BMP3: variants seen among roughly 807,000 people sequenced by gnomAD.
BMP3 encodes the protein bone morphogenetic protein 3.
Under a neutral mutation model 38.1 loss-of-function variants are expected in BMP3, and 23 were observed. That is an observed-to-expected ratio of 0.60 (90% CI 0.43 to 0.86). The LOEUF is 0.86. BMP3 is among the 40% of genes least tolerant of loss of function. The pLI is 0.00. For synonymous variants in BMP3, 258 were observed against 225.7 expected (o/e 1.14, Z -1.28); for missense variants, 628 against 579.6 (o/e 1.08, Z -0.86).
chr4:81,039,096 T>A (rs910358718), intron 1 of BMP3, among the ~76,000 whole-genome samples: 1 of 152,320 alleles, frequency 6.6e-6, no homozygotes, highest in South Asian at 2.1e-4. Flanking sequence ...TTCTTCCTTT[T>A]GCCTGTGCCT....
chr4:81,052,370 C>A (rs942759432), intron 2 of BMP3, among the ~76,000 whole-genome samples: 15 of 152,262 alleles, frequency 9.9e-5, no homozygotes, highest in Admixed American at 4.6e-4. Flanking sequence ...TCTGGCAATA[C>A]CTAACATTCT....
chr4:81,042,934 A>C (rs1317764955), intron 1 of BMP3, among the ~76,000 whole-genome samples: 1 of 152,178 alleles, frequency 6.6e-6, no homozygotes, highest in Non-Finnish European at 1.5e-5. Context: ...TTTGTTATAA[A>C]GGTCTGTAAA....
chr4:81,044,772 G>T (rs563366025), intron 1 of BMP3, among the ~76,000 whole-genome samples: 1 of 152,082 alleles, frequency 6.6e-6, no homozygotes, highest in Admixed American at 6.5e-5. Context: ...TTTTTTCAAG[G>T]TTCATCCACA....
In BMP3 at chr4:81,054,556, C is replaced by T. The variant is rs550946681; in HGVS notation, c.*1020C>T. 6.6e-6 allele frequency: 1 copy of T among 152,226 alleles called. No homozygotes were observed. Among genetic ancestry groups the T allele is most frequent in the South Asian group, 2.1e-4 (1 of 4,826 alleles). 9.4% of individuals were successfully genotyped at this position (152,226 alleles called of 1,614,324 possible). On this transcript the variant is annotated 3_prime_UTR_variant, in exon 3 of 3. Transcript: ENST00000282701. The stretch of plus-strand genomic sequence containing the variant: ...AATATTGAAGATCTTCTTAAATGAC[C>T]AATTTAACCATAACCAAATATTGAA...
rs1578291511 is a variant in BMP3 at position 81,031,078 on chromosome 4, G to T, written c.-207G>T. 1.7e-6 allele frequency: 1 copy of T among 572,756 alleles called. No homozygotes were observed. The highest frequency in any genetic ancestry group is 3.2e-5 in the East Asian group (1 of 31,468). The allele number at this position is 572,756 out of a possible 1,614,324, so 35.5% of individuals were successfully genotyped here. ...CGGGTGAGGTCCGCGCAGCTGCTGG[G>T]GAAGAGCCCACCTGTCAGGCTGCGC... On this transcript the variant is annotated 5_prime_UTR_variant, in exon 1 of 3. Transcript: ENST00000282701.
chr4:81,036,638 G>A (rs1739932081), intron 1 of BMP3, among the ~76,000 whole-genome samples: 1 of 151,842 alleles, frequency 6.6e-6, no homozygotes, highest in African/African-American at 2.4e-5. Flanking sequence ...ATTATGTTAT[G>A]AATCCATGAA....
chr4:81,051,422 T>A (rs1300229147), intron 2 of BMP3, among the ~76,000 whole-genome samples: 5 of 152,162 alleles, frequency 3.3e-5, no homozygotes, highest in Admixed American at 2.6e-4. Context: ...CAAGGTCTCA[T>A]CTAATTAAGT....
In BMP3 at chr4:81,055,496, T is replaced by A. The variant is rs1273028416; in HGVS notation, c.*1960T>A. Reference sequence around the variant, plus strand: ...AAGTGAGATGGAGGATAAAATTACTTTTTAATACATGTTCTCAAACATTTG... The same window carrying A: ...AAGTGAGATGGAGGATAAAATTACTATTTAATACATGTTCTCAAACATTTG... On this transcript the variant is annotated 3_prime_UTR_variant, in exon 3 of 3. Transcript: ENST00000282701. The A allele has an allele frequency of 6.6e-6, 1 of 152,194 alleles. No homozygotes were observed. The highest frequency in any genetic ancestry group is 1.5e-5 in the Non-Finnish European group (1 of 68,030). 9.4% of individuals were successfully genotyped at this position (152,194 alleles called of 1,614,324 possible). A position where few individuals can be genotyped will look rare whatever the true frequency, so the allele number is the denominator to read the frequency against.
intron 1 of BMP3, among the ~76,000 whole-genome samples, chr4:81,039,015 A>G (rs1420065186): frequency 2.0e-5 from 3 of 150,758 alleles, no homozygotes; most frequent in Admixed American, 6.6e-5. Flanking sequence ...TTGAGGTCCC[A>G]TAAAGCACAG....
rs1046894829 is a variant in BMP3, at chr4:81,041,574, T to A, written c.317-4164T>A. On this transcript the variant is annotated intron_variant, in intron 1 of 2. Transcript: ENST00000282701. ...GTTGGGCATAACATAATGCCTTTGGTTAGCCTTCAGATTGGCCATTCCTTG... is the reference window on the plus strand; with the variant it reads ...GTTGGGCATAACATAATGCCTTTGGATAGCCTTCAGATTGGCCATTCCTTG... Among the ~76,000 whole-genome samples the A allele has an allele frequency of 5.3e-5, 8 of 152,326 alleles. No individual in the cohort carries two copies. In the South Asian group the frequency reaches 1.2e-3, roughly 24 times the overall value.
Position 81,045,914 on chromosome 4 carries a change from C to T in BMP3, c.493C>T (p.Leu165Phe). The change falls in exon 2 of 3, where the codon CTT becomes TTT. Residue 165 changes from leucine to phenylalanine, a missense_variant. Physicochemically the swap from Leu to Phe is conservative, Grantham distance 22. Transcript: ENST00000282701. ...HAQRKHIQIDLSAWTLKFSRN... is the reference protein window; with the variant it reads ...HAQRKHIQIDFSAWTLKFSRN... The stretch of plus-strand genomic sequence containing the variant: ...TCAGAGGAAACACATTCAGATTGAT[C>T]TTTCTGCATGGACCCTCAAATTCAG... 2.5e-6 allele frequency: 4 copies of T among 1,614,066 alleles called. No homozygotes were observed. Among genetic ancestry groups the T allele is most frequent in the Non-Finnish European group, 3.4e-6 (4 of 1,180,000 alleles).
intron 1 of BMP3, among the ~76,000 whole-genome samples, chr4:81,036,749 C>A (rs1334035268): frequency 6.6e-6 from 1 of 151,842 alleles, no homozygotes; most frequent in African/African-American, 2.4e-5. Context: ...TGAAATGTAA[C>A]CCAAAAAGCT....
chr4:81,034,216 T>C (rs1338017848), intron 1 of BMP3, among the ~76,000 whole-genome samples: 1 of 147,718 alleles, frequency 6.8e-6, no homozygotes, highest in Non-Finnish European at 1.5e-5. Flanking sequence ...GTAGTTGGTG[T>C]GCCAAAACCG....
intron 1 of BMP3, among the ~76,000 whole-genome samples, chr4:81,040,474 A>C (rs1388661332): frequency 6.6e-6 from 1 of 152,148 alleles, no homozygotes; most frequent in African/African-American, 2.4e-5. Flanking sequence ...ATTGGCTTGG[A>C]TTTGGCCTCC....
intron 1 of BMP3, among the ~76,000 whole-genome samples, chr4:81,032,723 A>G (rs1739813350): frequency 6.6e-6 from 1 of 152,242 alleles, no homozygotes. Flanking sequence ...AAAAAGGGAA[A>G]ACTAAGGCAT....
In BMP3 at chr4:81,056,425, C is replaced by T. The variant is rs1384637177; in HGVS notation, c.*2889C>T. ...GATCTCGGCCCACTGCAACCTCCAC[C>T]TCCCAGGTTCAAGCAGTTCTCCTGC... On this transcript the variant is annotated 3_prime_UTR_variant, in exon 3 of 3. Coordinates refer to ENST00000282701, the MANE Select transcript of BMP3 (RefSeq NM_001201.5). The T allele has an allele frequency of 1.3e-5, 2 of 152,160 alleles. No individual in the cohort carries two copies. The highest frequency in any genetic ancestry group is 2.9e-5 in the Non-Finnish European group (2 of 68,006). The allele number at this position is 152,160 out of a possible 1,614,324, so 9.4% of individuals were successfully genotyped here. A position where few individuals can be genotyped will look rare whatever the true frequency, so the allele number is the denominator to read the frequency against.
chr4:81,038,204 C>T (rs1295462604), intron 1 of BMP3, among the ~76,000 whole-genome samples: 1 of 152,076 alleles, frequency 6.6e-6, no homozygotes, highest in Non-Finnish European at 1.5e-5. Flanking sequence ...AGGTATATTA[C>T]TGCCTTTATG....
At position 81,056,406 on chromosome 4, in the gene BMP3, G is replaced by A. The variant is rs886964281; in HGVS notation, c.*2870G>A. ...GGCTGGAGTGCAGTGGCGTGATCTCGGCCCACTGCAACCTCCACCTCCCAG... is the reference window on the plus strand; with the variant it reads ...GGCTGGAGTGCAGTGGCGTGATCTCAGCCCACTGCAACCTCCACCTCCCAG... On this transcript the variant is annotated 3_prime_UTR_variant, in exon 3 of 3. Coordinates refer to ENST00000282701, the MANE Select transcript of BMP3 (RefSeq NM_001201.5). 1 of 151,026 alleles carries A rather than the reference G, an allele frequency of 6.6e-6. No individual in the cohort carries two copies. The highest frequency in any genetic ancestry group is 1.5e-5 in the Non-Finnish European group (1 of 67,774). The allele number at this position is 151,026 out of a possible 1,614,324, so 9.4% of individuals were successfully genotyped here.
rs147182183 is a variant in BMP3, at chr4:81,046,625, G to C, written c.1204G>C (p.Ala402Pro). 1.8e-5 allele frequency: 29 copies of C among 1,612,602 alleles called. No individual in the cohort carries two copies. The highest frequency in any genetic ancestry group is 3.3e-5 in the Admixed American group (2 of 59,920). ...KSFDAYYCSGACQFPMPKSLK... is the reference protein window; with the variant it reads ...KSFDAYYCSGPCQFPMPKSLK... ...CTTTGATGCCTATTATTGCTCTGGA[G>C]CATGCCAGTTCCCCATGCCAAAGGT... Residue 402 changes from alanine (A) to proline (P), a missense_variant, in exon 2 of 3, where the codon GCA (alanine) becomes CCA (proline). Coordinates refer to ENST00000282701, the MANE Select transcript of BMP3 (RefSeq NM_001201.5).
Sources: allele counts gnomAD v4.1 joint callset (sites outside exome capture counted in the v4.1 genomes callset), GRCh38; gene constraint gnomAD v4.1.1; transcripts MANE v1.5; gene names NCBI Gene and HGNC (gene_info 2026-07-23, HGNC 2026-07-21).